The following C5 variants were observed in gnomAD, a reference collection of about 807,000 sequenced individuals.
C5 encodes complement C5, also known as C3 and PZP-like alpha-2-macroglobulin domain-containing protein 4.
In C5, 140 loss-of-function variants were observed where a neutral mutation model predicts 218.8. The ratio of observed to expected loss-of-function variants is 0.64; its 90% CI spans 0.56 to 0.74. The LOEUF (loss-of-function observed/expected upper bound fraction) is 0.74, where lower values mean the gene tolerates loss of function less well. C5 is among the 30% of genes least tolerant of loss of function. The pLI is 0.00. For synonymous variants in C5, 614 were observed against 682.3 expected, an observed-to-expected ratio of 0.90 and a Z score of 1.56; for missense variants, 1,700 against 1,969.6, an observed-to-expected ratio of 0.86 and a Z score of 2.59.
the C5 span, among the ~76,000 whole-genome samples, chr9:121,072,634 C>CT: frequency 2.0e-5 from 3 of 151,796 alleles, no homozygotes; most frequent in African/African-American, 7.3e-5. Flanking sequence ...TGGTGAAACT[C>CT]TGTTTCTACT....
At chr9:121,002,148 A>ATATG (rs1189639955) in intron 20 of C5, among the ~76,000 whole-genome samples, 1 of 148,050 alleles carries the variant, frequency 6.8e-6, no homozygotes, top group East Asian at 2.0e-4. Flanking sequence ...ATGTATGTAT[A>ATATG]TATGTATAGA....
Position 120,980,165 on chromosome 9 carries a change from C to T in C5, c.3576G>A (p.Ala1192=), listed in dbSNP as rs777439825. 9.9e-6 allele frequency: 16 copies of T among 1,613,816 alleles called. No homozygotes were observed. Among genetic ancestry groups the T allele is most frequent in the Non-Finnish European group, 1.3e-5 (15 of 1,179,928 alleles). The change falls in exon 28 of 41, where the codon GCG becomes GCA. Residue 1192 remains alanine (A), a synonymous_variant. Coordinates refer to ENST00000223642, the MANE Select transcript of C5 (RefSeq NM_001735.3). ...AQSTFTLAIS[A]YALSLGDKTH... is the part of the protein sequence containing the mutation. Reference sequence around the variant, plus strand: ...TTTTATCTCCCAGGGAAAGAGCATACGCAGAAATGGCCAATGTAAAGGTGC... The same window carrying T: ...TTTTATCTCCCAGGGAAAGAGCATATGCAGAAATGGCCAATGTAAAGGTGC...
intron 39 of C5, among the ~76,000 whole-genome samples, chr9:120,954,419 T>C (rs1374607627): frequency 1.3e-5 from 2 of 152,234 alleles, no homozygotes; most frequent in African/African-American, 4.8e-5. Flanking sequence ...AACTCACAAG[T>C]AGCCAGTTCC....
intron 12 of C5, among the ~76,000 whole-genome samples, chr9:121,018,720 AGAAAGAAG>A (rs1564153902): frequency 5.8e-5 from 8 of 139,066 alleles, no homozygotes; most frequent in Admixed American, 2.9e-4. Context: ...AAAGAAAGAA[AGAAAGAAG>A]GAAGGAAGGA....
chr9:120,953,907 T>C (rs1014747646), intron 39 of C5, 39 bp from the exon 40 acceptor site: 3 of 1,608,708 alleles, frequency 1.9e-6, no homozygotes, highest in African/African-American at 2.7e-5. Flanking sequence ...ATACCATTCA[T>C]GTTTTAATGT....
chr9:120,989,251 CA>C, intron 24 of C5, 130 bp from the exon 25 acceptor site: 2 of 761,106 alleles, frequency 2.6e-6, no homozygotes, highest in African/African-American at 3.4e-5. Flanking sequence ...CTGTGGCCAG[CA>C]TTGAACTTCT....
chr9:120,982,219 C>T (rs12686746), intron 26 of C5, among the ~76,000 whole-genome samples: 14,580 of 152,218 alleles, frequency 0.096, 774 homozygotes, highest in African/African-American at 0.14. Context: ...ACCATATTGA[C>T]CAGGCTGGTT....
intron 20 of C5, among the ~76,000 whole-genome samples, chr9:121,002,156 A>G (rs1006181621): frequency 6.8e-6 from 1 of 148,038 alleles, no homozygotes; most frequent in Admixed American, 6.8e-5. Context: ...ATATATGTAT[A>G]GATATGTACA....
intron 25 of C5, among the ~76,000 whole-genome samples, chr9:120,985,415 A>G (rs183710518): frequency 1.3e-5 from 2 of 152,304 alleles, no homozygotes; most frequent in Admixed American, 1.3e-4. Context: ...AACTGTAAAT[A>G]TGCATTCCTT....
intron 4 of C5, among the ~76,000 whole-genome samples, chr9:121,036,598 C>T (rs1488314563): frequency 9.2e-6 from 1 of 108,244 alleles, no homozygotes; most frequent in Non-Finnish European, 2.2e-5. Flanking sequence ...TTCTTGCCCC[C>T]ATAGCTTAAC....
At chr9:120,970,142 A>G (rs779031302) in intron 32 of C5, 28 bp downstream of exon 32, 25 of 1,505,416 alleles carry the variant, frequency 1.7e-5, no homozygotes, top group African/African-American at 2.7e-5. Flanking sequence ...TTTAGCCAAA[A>G]TTACAGCGTA....
intron 29 of C5, 94 bp from the exon 30 acceptor site, chr9:120,975,025 T>A: frequency 7.1e-7 from 1 of 1,405,470 alleles, no homozygotes; most frequent in Non-Finnish European, 1.0e-6. Flanking sequence ...AGGGCAGCAT[T>A]GTCTGGAGAT....
the C5 span, among the ~76,000 whole-genome samples, chr9:121,070,083 C>T: frequency 9.2e-5 from 14 of 151,940 alleles, no homozygotes; most frequent in Non-Finnish European, 1.2e-4. Flanking sequence ...GTGGGCCAGA[C>T]GTAGTGGCTC....
intron 25 of C5, among the ~76,000 whole-genome samples, chr9:120,984,875 C>T (rs2047021770): frequency 6.6e-6 from 1 of 151,824 alleles, no homozygotes; most frequent in East Asian, 1.9e-4. Flanking sequence ...GCACGTGCCA[C>T]CATGCCAAGC....
the C5 span, among the ~76,000 whole-genome samples, chr9:121,073,403 T>A: frequency 1.3e-5 from 2 of 152,208 alleles, no homozygotes; most frequent in Non-Finnish European, 2.9e-5. Context: ...TGGGTAACCT[T>A]TGTCTAATAA....
At chr9:121,047,650 A>C (rs918411144) in intron 1 of C5, among the ~76,000 whole-genome samples, 1 of 152,232 alleles carries the variant, frequency 6.6e-6, no homozygotes, top group Non-Finnish European at 1.5e-5. Context: ...TGGTAAAAGC[A>C]GGAAGTTTTT....
chr9:120,976,558 T>C (rs1427093171), intron 29 of C5, 142 bp downstream of exon 29: 2 of 759,054 alleles, frequency 2.6e-6, no homozygotes, highest in East Asian at 5.2e-5. Flanking sequence ...GCAGATAACC[T>C]GTAGGGGTCC....
chr9:120,983,934 T>C (rs1466975022), intron 25 of C5, among the ~76,000 whole-genome samples: 1 of 152,242 alleles, frequency 6.6e-6, no homozygotes, highest in Non-Finnish European at 1.5e-5. Flanking sequence ...AGATACAAGA[T>C]ATAGCCTTCC....
chr9:121,050,082 G>A, intron 1 of C5, 100 bp downstream of exon 1: 1 of 961,914 alleles, frequency 1.0e-6, no homozygotes, highest in East Asian at 2.4e-5. Context: ...GTTCTCAGAA[G>A]TAGCAAGTTA....
Sources: allele counts gnomAD v4.1 joint callset (sites outside exome capture counted in the v4.1 genomes callset), GRCh38; gene constraint gnomAD v4.1.1; transcripts MANE v1.5; gene names NCBI Gene and HGNC (gene_info 2026-07-23, HGNC 2026-07-21).